The following ARHGAP10 variants were observed in gnomAD, a reference collection of about 807,000 sequenced individuals.
ARHGAP10 encodes rho GTPase-activating protein 10.
In ARHGAP10, 87 loss-of-function variants were observed where a neutral mutation model predicts 108.6. The observed-to-expected ratio is 0.80, with a 90% CI of 0.67 to 0.96. The LOEUF is 0.96. Among genes scored for constraint, ARHGAP10 ranks in the 40% least tolerant of loss-of-function variants. ARHGAP10 has a pLI of 0.00. For missense variants in ARHGAP10, 939 were observed against 954.5 expected (o/e 0.98, Z 0.21); for synonymous variants, 347 against 341.1 (o/e 1.02, Z -0.19).
At chr4:147,892,864 G>A (rs528871975) in intron 10 of ARHGAP10, among the ~76,000 whole-genome samples, 15 of 152,274 alleles carry the variant, frequency 9.9e-5, no homozygotes, top group Admixed American at 9.2e-4. Flanking sequence ...GGTTAGAAGA[G>A]GGCAGGGAGT....
At chr4:147,895,236 T>C (rs972248081) in intron 10 of ARHGAP10, among the ~76,000 whole-genome samples, 1 of 152,154 alleles carries the variant, frequency 6.6e-6, no homozygotes, top group Non-Finnish European at 1.5e-5. Flanking sequence ...TGTTTTACCT[T>C]TAATTTCCAA....
At chr4:147,764,314 A>G (rs1729705704) in intron 1 of ARHGAP10, among the ~76,000 whole-genome samples, 1 of 151,990 alleles carries the variant, frequency 6.6e-6, no homozygotes, top group Admixed American at 6.6e-5. Context: ...ACTTGGAGAT[A>G]GGTGAGGCTG....
intron 1 of ARHGAP10, among the ~76,000 whole-genome samples, chr4:147,811,072 G>A (rs1342885450): frequency 6.6e-6 from 1 of 152,090 alleles, no homozygotes; most frequent in Non-Finnish European, 1.5e-5. Context: ...TTTTCCTGTG[G>A]CCCTTAGATC....
chr4:147,912,701 T>C (rs1251352918), intron 12 of ARHGAP10, among the ~76,000 whole-genome samples: 1 of 121,580 alleles, frequency 8.2e-6, no homozygotes, highest in East Asian at 2.7e-4. Flanking sequence ...TGTCACCCAG[T>C]GCAGTGGTAT....
chr4:147,873,801 G>A (rs1734946516), intron 7 of ARHGAP10, among the ~76,000 whole-genome samples: 1 of 150,690 alleles, frequency 6.6e-6, no homozygotes, highest in Non-Finnish European at 1.5e-5. Context: ...CTTGAGTTCA[G>A]GAGGTTGAGG....
chr4:147,843,629 C>T (rs1282585970), intron 3 of ARHGAP10, among the ~76,000 whole-genome samples: 1 of 152,152 alleles, frequency 6.6e-6, no homozygotes, highest in Non-Finnish European at 1.5e-5. Context: ...TGGGTTCAAG[C>T]GATTCTCCTA....
intron 1 of ARHGAP10, among the ~76,000 whole-genome samples, chr4:147,806,816 C>T (rs1437084279): frequency 6.6e-6 from 1 of 152,102 alleles, no homozygotes; most frequent in East Asian, 1.9e-4. Flanking sequence ...ATCCTCCTGC[C>T]TCAGCCTCCT....
chr4:147,780,579 A>G (rs1730489298), intron 1 of ARHGAP10, among the ~76,000 whole-genome samples: 1 of 151,922 alleles, frequency 6.6e-6, no homozygotes, highest in Non-Finnish European at 1.5e-5. Context: ...ACTGAACTGT[A>G]TTATCAGTGC....
chr4:148,018,679 T>A (rs1399220383), intron 18 of ARHGAP10, among the ~76,000 whole-genome samples: 1 of 152,184 alleles, frequency 6.6e-6, no homozygotes, highest in Non-Finnish European at 1.5e-5. Flanking sequence ...TGAATTTATG[T>A]AGCTATTCCC....
intron 18 of ARHGAP10, among the ~76,000 whole-genome samples, chr4:147,983,562 G>T (rs1175765655): frequency 1.4e-5 from 2 of 147,340 alleles, no homozygotes; most frequent in African/African-American, 5.1e-5. Context: ...TTTGAGTTCT[G>T]AAATTCTTTC....
At chr4:147,963,005 T>C (rs1739058500) in intron 16 of ARHGAP10, among the ~76,000 whole-genome samples, 1 of 152,168 alleles carries the variant, frequency 6.6e-6, no homozygotes, top group African/African-American at 2.4e-5. Context: ...CATAACTTTT[T>C]CCTCCTAATT....
chr4:147,964,803 A>G lies in ARHGAP10; in HGVS notation c.1451-221A>G, dbSNP rs150183422. Among the ~76,000 whole-genome samples, 45 of 152,284 alleles carry G rather than the reference A, an allele frequency of 3.0e-4. 1 individual carries two copies. The East Asian group carries it at 8.1e-3, about 27-fold the overall frequency. On this transcript the variant is annotated intron_variant, in intron 16 of 22. Transcript: ENST00000336498. ...AGGCACCGATTGCAGCCACACTGAA[A>G]TTACCTCATTAGGGGAGGCATGAGA...
chr4:147,886,977 G>A (rs1236066781), intron 10 of ARHGAP10, among the ~76,000 whole-genome samples: 1 of 151,988 alleles, frequency 6.6e-6, no homozygotes, highest in African/African-American at 2.4e-5. Flanking sequence ...GTTTCACCTT[G>A]AACTCCTGAA....
intron 4 of ARHGAP10, among the ~76,000 whole-genome samples, chr4:147,850,121 A>G (rs972158212): frequency 1.3e-5 from 2 of 152,182 alleles, no homozygotes; most frequent in Non-Finnish European, 2.9e-5. Flanking sequence ...AAATGCACCA[A>G]TCAGCACTCT....
At chr4:147,778,823 G>C (rs1267301811) in intron 1 of ARHGAP10, among the ~76,000 whole-genome samples, 1 of 152,156 alleles carries the variant, frequency 6.6e-6, no homozygotes, top group Non-Finnish European at 1.5e-5. Context: ...TACAGGGAAT[G>C]AATTCTGTTG....
intron 20 of ARHGAP10, among the ~76,000 whole-genome samples, chr4:148,053,451 T>C (rs6845865): frequency 0.26 from 40,238 of 152,072 alleles, 6,717 homozygotes; most frequent in African/African-American, 0.48. Flanking sequence ...GCTGCGCATT[T>C]ATCATCTAAC....
chr4:147,990,270 A>G (rs1740217720), intron 18 of ARHGAP10, among the ~76,000 whole-genome samples: 1 of 152,202 alleles, frequency 6.6e-6, no homozygotes, highest in Non-Finnish European at 1.5e-5. Flanking sequence ...GTTTGCACAA[A>G]TCTCAGTTCC....
At chr4:147,841,116 T>C (rs1385181660) in intron 3 of ARHGAP10, among the ~76,000 whole-genome samples, 3 of 152,278 alleles carry the variant, frequency 2.0e-5, no homozygotes, top group Non-Finnish European at 4.4e-5. Context: ...GCTGCATGGC[T>C]GCAAAGCCTA....
intron 7 of ARHGAP10, among the ~76,000 whole-genome samples, chr4:147,874,110 A>T (rs1734961575): frequency 6.6e-6 from 1 of 151,946 alleles, no homozygotes. Flanking sequence ...TACAAAAAAG[A>T]TGTGCCATTC....
Sources: gnomAD v4.1 joint callset for allele counts (sites outside exome capture counted in the v4.1 genomes callset) on GRCh38, gnomAD v4.1.1 for gene constraint, MANE v1.5 for transcripts, NCBI Gene and HGNC (gene_info 2026-07-23, HGNC 2026-07-21) for gene names.